The following NAV3 variants were observed in gnomAD, a reference collection of about 807,000 sequenced individuals.
NAV3 encodes pore membrane and/or filament interacting like protein 1.
NAV3 carries 87 observed loss-of-function variants against 244.7 expected under a neutral mutation model. That is an observed-to-expected ratio of 0.36 (90% CI 0.30 to 0.42). NAV3 has a LOEUF of 0.42. Among genes scored for constraint, NAV3 ranks in the 20% least tolerant of loss-of-function variants. The pLI, the probability that NAV3 is intolerant of heterozygous loss-of-function variation, is 1.00. For missense variants in NAV3, 2,663 were observed against 2,893.3 expected (o/e 0.92, Z 1.83); for synonymous variants, 1,126 against 1,042.2 (o/e 1.08, Z -1.55).
intron 3 of NAV3, among the ~76,000 whole-genome samples, chr12:77,958,238 T>C (rs1412134897): frequency 6.6e-6 from 1 of 152,222 alleles, no homozygotes; most frequent in Non-Finnish European, 1.5e-5. Flanking sequence ...GAAAAATTTC[T>C]GTTCCATTTT....
At chr12:78,082,849 T>TTCA (rs1953428672) in intron 12 of NAV3, among the ~76,000 whole-genome samples, 1 of 152,178 alleles carries the variant, frequency 6.6e-6, no homozygotes, top group Non-Finnish European at 1.5e-5. Flanking sequence ...TTCCCTTTGT[T>TTCA]CTTTTCACTG....
intron 11 of NAV3, among the ~76,000 whole-genome samples, chr12:78,053,327 A>G (rs756534813): frequency 6.6e-6 from 1 of 151,892 alleles, no homozygotes; most frequent in Non-Finnish European, 1.5e-5. Context: ...CTTCTCTTCT[A>G]TGAAGTCACC....
chr12:77,934,795 T>C (rs1292395629), intron 1 of NAV3, among the ~76,000 whole-genome samples: 3 of 152,212 alleles, frequency 2.0e-5, no homozygotes, highest in Non-Finnish European at 4.4e-5. Flanking sequence ...CTTATAGAAA[T>C]GTAATGCTAC....
At chr12:77,986,848 T>C (rs1870601507) in intron 5 of NAV3, among the ~76,000 whole-genome samples, 1 of 152,170 alleles carries the variant, frequency 6.6e-6, no homozygotes, top group South Asian at 2.1e-4. Flanking sequence ...GCAAGGATTA[T>C]GAGGCTACCA....
At chr12:78,040,032 T>A (rs1430706735) in intron 9 of NAV3, among the ~76,000 whole-genome samples, 2 of 152,174 alleles carry the variant, frequency 1.3e-5, no homozygotes, top group Non-Finnish European at 2.9e-5. Flanking sequence ...TTGCTAAACA[T>A]TTAATTTTAT....
chr12:78,064,130 G>A (rs1884671420), intron 12 of NAV3, among the ~76,000 whole-genome samples: 1 of 152,074 alleles, frequency 6.6e-6, no homozygotes, highest in Non-Finnish European at 1.5e-5. Flanking sequence ...GGGGAAGGGG[G>A]CTGGGGACAC....
intron 22 of NAV3, among the ~76,000 whole-genome samples, chr12:78,155,238 C>T (rs560165035): frequency 7.7e-4 from 117 of 152,072 alleles, no homozygotes; most frequent in African/African-American, 2.6e-3. Flanking sequence ...GTGTTCTCAT[C>T]GTTCTACTCC....
rs1040209628 is a variant in NAV3, at chr12:77,706,536, C to A, written c.72+134270C>A. Among the ~76,000 whole-genome samples the A allele has an allele frequency of 2.0e-4, 30 of 151,082 alleles. 1 individual carries two copies. Among genetic ancestry groups the A allele is most frequent in the Admixed American group, 8.5e-4 (13 of 15,240 alleles). ...ATCTTGGCTGATCGTTATCAATAAT[C>A]CCACGGTGAAATTCAGAATATATGA... On this transcript the variant is annotated intron_variant, in intron 2 of 8. Transcript: ENST00000550042.
intron 1 of NAV3, among the ~76,000 whole-genome samples, chr12:77,883,934 A>C (rs1486930514): frequency 6.6e-6 from 1 of 152,148 alleles, no homozygotes; most frequent in East Asian, 1.9e-4. Context: ...CATGAAATGA[A>C]CTGTATTTGG....
At chr12:78,188,376 T>A (rs762163498) in intron 32 of NAV3, 33 bp downstream of exon 32, 2 of 1,509,482 alleles carry the variant, frequency 1.3e-6, no homozygotes, top group Middle Eastern at 1.7e-4. Flanking sequence ...ATAGTACTTT[T>A]CAAATATGTT....
intron 22 of NAV3, among the ~76,000 whole-genome samples, chr12:78,154,695 C>A (rs1226579607): frequency 6.6e-6 from 1 of 151,664 alleles, no homozygotes; most frequent in African/African-American, 2.4e-5. Flanking sequence ...TTTACTCTGA[C>A]CTTAAAATTA....
intron 2 of NAV3, among the ~76,000 whole-genome samples, chr12:77,725,389 G>T (rs927278331): frequency 6.6e-6 from 1 of 151,892 alleles, no homozygotes; most frequent in African/African-American, 2.4e-5. Flanking sequence ...TATCATTTCA[G>T]CAGGAAAAAG....
chr12:78,105,083 T>C (rs1954734554), intron 12 of NAV3, among the ~76,000 whole-genome samples: 1 of 152,122 alleles, frequency 6.6e-6, no homozygotes, highest in African/African-American at 2.4e-5. Flanking sequence ...TGCCAAATAA[T>C]CTCAAATTTT....
At chr12:77,747,183 G>T (rs1311377333) in intron 2 of NAV3, among the ~76,000 whole-genome samples, 2 of 152,060 alleles carry the variant, frequency 1.3e-5, no homozygotes, top group South Asian at 2.1e-4. Context: ...TTTACTGTTT[G>T]CCAGATTAAA....
rs992627567 is a variant in NAV3, at chr12:78,012,838, G to T, written c.1907+5393G>T. 4.6e-5 allele frequency among the ~76,000 whole-genome samples: 7 copies of T among 151,988 alleles called. No homozygotes were observed. In the East Asian group the frequency reaches 1.3e-3, roughly 29 times the overall value. On this transcript the variant is annotated intron_variant, in intron 8 of 39. Coordinates refer to ENST00000397909, the MANE Select transcript of NAV3 (RefSeq NM_001024383.2). Reference sequence around the variant, plus strand: ...TTACTTATTAACTAGTGTGATTTCAGCCACCTCCTAATGTAATGTAAGTTC... The same window carrying T: ...TTACTTATTAACTAGTGTGATTTCATCCACCTCCTAATGTAATGTAAGTTC...
chr12:77,633,562 A>C (rs959597946), intron 2 of NAV3, among the ~76,000 whole-genome samples: 9 of 152,126 alleles, frequency 5.9e-5, no homozygotes, highest in Non-Finnish European at 1.0e-4. Context: ...AAAAGATCTC[A>C]GACAGTTTCA....
intron 8 of NAV3, among the ~76,000 whole-genome samples, chr12:78,018,955 G>A (rs1306143313): frequency 2.0e-5 from 3 of 152,004 alleles, no homozygotes; most frequent in Admixed American, 2.0e-4. Flanking sequence ...GAATGGGGAG[G>A]GACTGTCAGT....
At chr12:78,128,162 G>T (rs1020230269) in intron 17 of NAV3, among the ~76,000 whole-genome samples, 1 of 150,136 alleles carries the variant, frequency 6.7e-6, no homozygotes, top group African/African-American at 2.5e-5. Flanking sequence ...TTAATATTTT[G>T]ATCCAGAAAT....
chr12:77,593,665 G>A (rs958560344), intron 2 of NAV3, among the ~76,000 whole-genome samples: 10 of 147,606 alleles, frequency 6.8e-5, no homozygotes, highest in African/African-American at 2.2e-4. Context: ...TAGTAGAGAT[G>A]GGGTTTCACC....
Sources: allele counts gnomAD v4.1 joint callset (sites outside exome capture counted in the v4.1 genomes callset), GRCh38; gene constraint gnomAD v4.1.1; transcripts MANE v1.5; gene names NCBI Gene and HGNC (gene_info 2026-07-23, HGNC 2026-07-21).